The following CMTM5 variants were observed in gnomAD, a reference collection of about 807,000 sequenced individuals.
The protein encoded by CMTM5 is CKLF like MARVEL transmembrane domain containing 5.
A neutral mutation model predicts 26.9 loss-of-function variants in CMTM5; 25 were observed. That is an observed-to-expected ratio of 0.93 (90% CI 0.68 to 1.30). CMTM5 has a LOEUF of 1.30. CMTM5 is among the 50% of genes most tolerant of loss of function. The probability of loss-of-function intolerance (pLI) is 0.00; values close to 1 mark genes in which losing one functional copy is unlikely to be tolerated. For synonymous variants in CMTM5, 98 were observed against 115.5 expected (o/e 0.85, Z 0.97); for missense variants, 292 against 289.6 (o/e 1.01, Z -0.06).
In CMTM5 at chr14:23,378,444, CT is replaced by C; in HGVS notation, c.224del (p.Phe75SerfsTer32). Reference sequence around the variant, plus strand: ...AGTTCTTCATCACACTTGCCTTCCTCTTCCTCTATGCCACCCAGTACTACCA... The same window carrying C: ...AGTTCTTCATCACACTTGCCTTCCTCTCCTCTATGCCACCCAGTACTACCA... ...LEFFITLAFL[F>X]LYATQYYQRF... On this transcript the variant is annotated frameshift_variant, in exon 2 of 6. Transcript: ENST00000339180. LOFTEE classifies it high-confidence loss of function. This position sits in a 1 kb window ranked among gnomAD's most constrained non-coding sequence, Gnocchi z 4.2. 1 of 1,614,156 alleles carries C rather than the reference CT, an allele frequency of 6.2e-7. No individual in the cohort carries two copies. The highest frequency in any genetic ancestry group is 8.5e-7 in the Non-Finnish European group (1 of 1,180,028).
Position 23,378,510 on chromosome 14 carries a change from C to A in CMTM5, c.279+9C>A, listed in dbSNP as rs2138569319. On this transcript the variant is annotated intron_variant, in intron 2 of 5. Transcript: ENST00000339180. The surrounding 1 kb of genome is among the most constrained non-coding windows in gnomAD (Gnocchi z 4.2). The stretch of plus-strand genomic sequence containing the variant: ...TTAACTGGCCCTGTCTGGTGAGGAA[C>A]CCTGACCCCTAGCCCAGTTTGGGGC... 1 of 1,614,108 alleles carries A rather than the reference C, an allele frequency of 6.2e-7. No individual in the cohort carries two copies. Among genetic ancestry groups the A allele is most frequent in the Non-Finnish European group, 8.5e-7 (1 of 1,179,982 alleles).
At position 23,378,745 on chromosome 14, in the gene CMTM5, C is replaced by T; in HGVS notation, c.356C>T (p.Pro119Leu). 6.2e-7 allele frequency: 1 copy of T among 1,612,550 alleles called. No individual in the cohort carries two copies. The highest frequency in any genetic ancestry group is 1.1e-5 in the South Asian group (1 of 91,062). ...CACTCAGCAAAGGTCCAGCCCCAGC[C>T]CTGGCCTGGCTTGACCCCCCCGGGC... Reference protein sequence around the residue: ...LSHSAKVQPQPWPGLTPPGWH... With the variant: ...LSHSAKVQPQLWPGLTPPGWH... The change falls in exon 3 of 6, where the codon CCC (proline) becomes CTC (leucine). Residue 119 changes from proline to leucine, a missense_variant. Coordinates refer to ENST00000339180, the MANE Select transcript of CMTM5 (RefSeq NM_001288746.2). This position sits in a 1 kb window ranked among gnomAD's most constrained non-coding sequence, Gnocchi z 4.2.
At chr14:23,379,267 C>T (rs1198116224) in intron 4 of CMTM5, 32 bp from the exon 5 acceptor site, 13 of 1,613,470 alleles carry the variant, frequency 8.1e-6, no homozygotes, top group African/African-American at 1.3e-5. Context: ...CCTATAGCCT[C>T]TGTTTTGCCA....
At chr14:23,379,155 C>G in intron 4 of CMTM5, 32 bp downstream of exon 4, 1 of 1,608,140 alleles carries the variant, frequency 6.2e-7, no homozygotes, top group Non-Finnish European at 8.5e-7. Flanking sequence ...TCCTTAGCCC[C>G]TCAAGAGCTC....
chr14:23,377,179 C>T lies in CMTM5; in HGVS notation c.-73C>T. 3 of 1,578,782 alleles carry T rather than the reference C, an allele frequency of 1.9e-6. No homozygotes were observed. Among genetic ancestry groups the T allele is most frequent in the South Asian group, 1.1e-5 (1 of 88,852 alleles). ...TGCCTTCTTGCTCCTGTCTGTTTCC[C>T]CATCCTGCCAGATTTCTGTTTCTCT... On this transcript the variant is annotated 5_prime_UTR_variant, in exon 1 of 6. Coordinates refer to ENST00000339180, the MANE Select transcript of CMTM5 (RefSeq NM_001288746.2). This position sits in a 1 kb window ranked among gnomAD's most constrained non-coding sequence, Gnocchi z 4.6.
At position 23,377,610 on chromosome 14, in the gene CMTM5, G is replaced by A. The variant is rs1215306193; in HGVS notation, c.126+233G>A. On this transcript the variant is annotated intron_variant, in intron 1 of 5. Coordinates refer to ENST00000339180, the MANE Select transcript of CMTM5 (RefSeq NM_001288746.2). The surrounding 1 kb of genome is among the most constrained non-coding windows in gnomAD (Gnocchi z 4.6). ...CAGCAGGAAGGACTGCAGTTAGACA[G>A]GGTGACTTTTTGGGACATTGAGGAA... The A allele has an allele frequency of 1.1e-5, 5 of 460,326 alleles. No individual in the cohort carries two copies. Among genetic ancestry groups the A allele is most frequent in the Non-Finnish European group, 1.9e-5 (5 of 265,202 alleles). 28.5% of individuals were successfully genotyped at this position (460,326 alleles called of 1,614,324 possible). A position where few individuals can be genotyped will look rare whatever the true frequency, so the allele number is the denominator to read the frequency against.
rs1385405314 is a variant in CMTM5, at chr14:23,377,429, T to C, written c.126+52T>C. The stretch of plus-strand genomic sequence containing the variant: ...CTCCATCTCCCTGACCCCCGGCTCC[T>C]GGCCAGCCTTATGCCAGCCCCCAGC... On this transcript the variant is annotated intron_variant, in intron 1 of 5. Coordinates refer to ENST00000339180, the MANE Select transcript of CMTM5 (RefSeq NM_001288746.2). This position sits in a 1 kb window ranked among gnomAD's most constrained non-coding sequence, Gnocchi z 4.6. 6.6e-7 allele frequency: 1 copy of C among 1,509,338 alleles called. No homozygotes were observed. The highest frequency in any genetic ancestry group is 1.3e-5 in the South Asian group (1 of 77,408). 93.5% of individuals were successfully genotyped at this position (1,509,338 alleles called of 1,614,324 possible).
In CMTM5 at chr14:23,379,093, C is replaced by A. The variant is rs764925605; in HGVS notation, c.543C>A (p.Thr181=). The A allele has an allele frequency of 2.5e-6, 4 of 1,614,022 alleles. No individual in the cohort carries two copies. The East Asian group carries it at 6.7e-5, about 27-fold the overall frequency. The change falls in exon 4 of 6, where the codon ACC becomes ACA. Residue 181 remains threonine, a synonymous_variant. Coordinates refer to ENST00000339180, the MANE Select transcript of CMTM5 (RefSeq NM_001288746.2). ...IFLVVSFAAV[T]SRDGAAIAAF... Reference sequence around the variant, plus strand: ...TGGTGGTCTCCTTTGCAGCTGTGACCTCCCGGGACGGAGCTGCCATTGCTG... The same window carrying A: ...TGGTGGTCTCCTTTGCAGCTGTGACATCCCGGGACGGAGCTGCCATTGCTG...
Position 23,378,509 on chromosome 14 carries a change from A to T in CMTM5, c.279+8A>T. The T allele has an allele frequency of 6.2e-7, 1 of 1,613,948 alleles. No homozygotes were observed. The highest frequency in any genetic ancestry group is 8.5e-7 in the Non-Finnish European group (1 of 1,179,956). On this transcript the variant is annotated splice_region_variant and intron_variant, in intron 2 of 5. Coordinates refer to ENST00000339180, the MANE Select transcript of CMTM5 (RefSeq NM_001288746.2). This position sits in a 1 kb window ranked among gnomAD's most constrained non-coding sequence, Gnocchi z 4.2. ...ATTAACTGGCCCTGTCTGGTGAGGAACCCTGACCCCTAGCCCAGTTTGGGG... is the reference window on the plus strand; with the variant it reads ...ATTAACTGGCCCTGTCTGGTGAGGATCCCTGACCCCTAGCCCAGTTTGGGG...
chr14:23,379,211 C>G (rs1890748283), intron 4 of CMTM5, 88 bp downstream of exon 4: 7 of 1,599,844 alleles, frequency 4.4e-6, no homozygotes, highest in African/African-American at 1.3e-5. Context: ...ACAGCCAGGA[C>G]TTGGGGTTCT....
Position 23,378,993 on chromosome 14 carries a change from T to A in CMTM5, c.481-38T>A. On this transcript the variant is annotated intron_variant, in intron 3 of 5. Coordinates refer to ENST00000339180, the MANE Select transcript of CMTM5 (RefSeq NM_001288746.2). This position sits in a 1 kb window ranked among gnomAD's most constrained non-coding sequence, Gnocchi z 4.2. ...AAACTTCAGGGTAACGCCCCCTGCC[T>A]TCTGAGGTCCTGTTAACCCTGCACC... The A allele has an allele frequency of 6.2e-7, 1 of 1,611,704 alleles. No homozygotes were observed. Among genetic ancestry groups the A allele is most frequent in the Non-Finnish European group, 8.5e-7 (1 of 1,178,066 alleles).
At chr14:23,376,994 T>A, upstream of CMTM5, 1 of 497,358 alleles carries the variant, frequency 2.0e-6, no homozygotes. Flanking sequence ...CTCCTTCCTC[T>A]CTGCCCCTCC....
In CMTM5 at chr14:23,377,333, G is replaced by C; in HGVS notation, c.82G>C (p.Ala28Pro). The C allele has an allele frequency of 6.2e-7, 1 of 1,607,162 alleles. No individual in the cohort carries two copies. The highest frequency in any genetic ancestry group is 8.5e-7 in the Non-Finnish European group (1 of 1,175,754). ...GCTCCAGGGCTTCGCGGTGGACAAG[G>C]CCTTCCTCACCTCCCACAAGGGCAT... ...AELQGFAVDK[A>P]FLTSHKGILL... Residue 28 changes from alanine to proline, a missense_variant, in exon 1 of 6, where the codon GCC (alanine) becomes CCC (proline). Transcript: ENST00000339180. The surrounding 1 kb of genome is among the most constrained non-coding windows in gnomAD (Gnocchi z 4.6).
Position 23,379,533 on chromosome 14 carries a change from G to A in CMTM5, c.*46G>A. 5 of 1,611,290 alleles carry A rather than the reference G, an allele frequency of 3.1e-6. No individual in the cohort carries two copies. The highest frequency in any genetic ancestry group is 4.2e-6 in the Non-Finnish European group (5 of 1,179,968). On this transcript the variant is annotated 3_prime_UTR_variant, in exon 6 of 6. Transcript: ENST00000339180. The stretch of plus-strand genomic sequence containing the variant: ...TAGGCCCAGCCAGCCAGAGAGGACA[G>A]TGGAGCCCAGACACGTCTCCTTGGG...
In CMTM5 at chr14:23,377,057, C is replaced by T; in HGVS notation, c.-195C>T. 1.5e-6 allele frequency: 1 copy of T among 662,830 alleles called. No individual in the cohort carries two copies. Among genetic ancestry groups the T allele is most frequent in the Non-Finnish European group, 2.5e-6 (1 of 401,018 alleles). 41.1% of individuals were successfully genotyped at this position (662,830 alleles called of 1,614,324 possible). A position where few individuals can be genotyped will look rare whatever the true frequency, so the allele number is the denominator to read the frequency against. On this transcript the variant is annotated 5_prime_UTR_variant, in exon 1 of 6. Coordinates refer to ENST00000339180, the MANE Select transcript of CMTM5 (RefSeq NM_001288746.2). The surrounding 1 kb of genome is among the most constrained non-coding windows in gnomAD (Gnocchi z 4.6). ...GCAGCAGCAGAGGCACTCTGGGCAG[C>T]TGGGTGAGGGCCCATCTGGGCAAGG...
At position 23,379,574 on chromosome 14, in the gene CMTM5, G is replaced by T; in HGVS notation, c.*87G>T. On this transcript the variant is annotated 3_prime_UTR_variant, in exon 6 of 6. Transcript: ENST00000339180. ...TCTCCTTGGGATTCACTAGCCCCCA[G>T]CCCGCCAAACCCCACCCCAGCCCTA... 6.3e-7 allele frequency: 1 copy of T among 1,589,650 alleles called. No individual in the cohort carries two copies. Among genetic ancestry groups the T allele is most frequent in the Non-Finnish European group, 8.5e-7 (1 of 1,173,306 alleles).
Position 23,377,505 on chromosome 14 carries a change from C to A in CMTM5, c.126+128C>A. On this transcript the variant is annotated intron_variant, in intron 1 of 5. Transcript: ENST00000339180. This position sits in a 1 kb window ranked among gnomAD's most constrained non-coding sequence, Gnocchi z 4.6. The stretch of plus-strand genomic sequence containing the variant: ...AAGCCCTCTGGACACCTCTCCTGCC[C>A]GCAGCTGCCCCTTCTTCGTCTCCTA... 1 of 1,035,408 alleles carries A rather than the reference C, an allele frequency of 9.7e-7. No homozygotes were observed. 64.1% of individuals were successfully genotyped at this position (1,035,408 alleles called of 1,614,324 possible).
At position 23,378,594 on chromosome 14, in the gene CMTM5, C is replaced by A. The variant is rs1890693554; in HGVS notation, c.280-75C>A. ...TCCTCCCCGAGCTTCTTTCCATTTC[C>A]ACACCACAGCTGGGCTTTGTCCCAT... On this transcript the variant is annotated intron_variant, in intron 2 of 5. Transcript: ENST00000339180. This position sits in a 1 kb window ranked among gnomAD's most constrained non-coding sequence, Gnocchi z 4.2. 6.2e-7 allele frequency: 1 copy of A among 1,607,204 alleles called. No homozygotes were observed. Among genetic ancestry groups the A allele is most frequent in the Admixed American group, 1.7e-5 (1 of 59,896 alleles).
In CMTM5 at chr14:23,378,088, C is replaced by T. The variant is rs1056261804; in HGVS notation, c.127-261C>T. ...CTATGAATTACTGTGGGATAGTGCT[C>T]CTGGGAGCCATATGGCTTGGCCAGA... On this transcript the variant is annotated intron_variant, in intron 1 of 5. Coordinates refer to ENST00000339180, the MANE Select transcript of CMTM5 (RefSeq NM_001288746.2). This position sits in a 1 kb window ranked among gnomAD's most constrained non-coding sequence, Gnocchi z 4.2. The T allele has an allele frequency of 2.2e-5, 12 of 543,528 alleles. No homozygotes were observed. The highest frequency in any genetic ancestry group is 2.1e-4 in the African/African-American group (11 of 52,514). 33.7% of individuals were successfully genotyped at this position (543,528 alleles called of 1,614,324 possible). A position where few individuals can be genotyped will look rare whatever the true frequency, so the allele number is the denominator to read the frequency against.
Sources: allele counts gnomAD v4.1 joint callset, GRCh38; gene constraint gnomAD v4.1.1; non-coding constraint Gnocchi (gnomAD v3.1); transcripts MANE v1.5; gene names NCBI Gene and HGNC (gene_info 2026-07-23, HGNC 2026-07-21).